Variants in EFCAB5 observed in about 807,000 individuals in gnomAD.
The protein encoded by EFCAB5 is EF-hand calcium binding domain 5.
In EFCAB5, 131 loss-of-function variants were observed where a neutral mutation model predicts 167.9. That is an observed-to-expected ratio of 0.78 (90% CI 0.68 to 0.90). EFCAB5 has a LOEUF of 0.90. EFCAB5 is among the 40% of genes least tolerant of loss of function. EFCAB5 has a pLI of 0.00. For missense variants in EFCAB5, 1,663 were observed against 1,745.2 expected (o/e 0.95, Z 0.84); for synonymous variants, 574 against 602.8 (o/e 0.95, Z 0.70).
At chr17:30,022,854 C>T (rs1051651797) in intron 7 of EFCAB5, among the ~76,000 whole-genome samples, 1 of 151,980 alleles carries the variant, frequency 6.6e-6, no homozygotes, top group African/African-American at 2.4e-5. Context: ...TGCAATCAAA[C>T]TAGAACTCAG....
At chr17:29,957,273 A>G (rs1211177970) in intron 3 of EFCAB5, among the ~76,000 whole-genome samples, 1 of 151,966 alleles carries the variant, frequency 6.6e-6, no homozygotes, top group African/African-American at 2.4e-5. Context: ...CATATATTGA[A>G]CCATCTTTGC....
intron 14 of EFCAB5, among the ~76,000 whole-genome samples, chr17:30,076,660 C>T (rs1163482221): frequency 6.6e-6 from 1 of 152,168 alleles, no homozygotes; most frequent in Non-Finnish European, 1.5e-5. Flanking sequence ...GAACTTTGAA[C>T]TATACTTTAA....
At chr17:29,932,173 C>T (rs1383162876) in intron 1 of EFCAB5, among the ~76,000 whole-genome samples, 4 of 136,024 alleles carry the variant, frequency 2.9e-5, no homozygotes, top group Admixed American at 1.5e-4. Context: ...TTTTTTGAGA[C>T]GGAGTCTCCC....
At chr17:30,028,481 G>T (rs1490233064) in intron 7 of EFCAB5, among the ~76,000 whole-genome samples, 1 of 152,134 alleles carries the variant, frequency 6.6e-6, no homozygotes, top group Non-Finnish European at 1.5e-5. Flanking sequence ...CGAGGTTGAG[G>T]CAAGTATGTT....
At chr17:29,981,499 T>C (rs2068174437) in intron 4 of EFCAB5, among the ~76,000 whole-genome samples, 1 of 152,228 alleles carries the variant, frequency 6.6e-6, no homozygotes, top group Non-Finnish European at 1.5e-5. Flanking sequence ...TGTGCTCTCA[T>C]AGCATCCTGT....
chr17:30,074,271 A>C (rs2070823117), intron 14 of EFCAB5: 1 of 152,126 alleles, frequency 6.6e-6, no homozygotes, highest in African/African-American at 2.4e-5. Flanking sequence ...TAGCTGGGAG[A>C]CTACAGGTGC....
intron 15 of EFCAB5, among the ~76,000 whole-genome samples, chr17:30,079,644 CA>C (rs1177266972): frequency 3.3e-5 from 5 of 151,960 alleles, no homozygotes; most frequent in Non-Finnish European, 7.4e-5. Flanking sequence ...CATTTTTTTT[CA>C]CTTTCACATC....
intron 3 of EFCAB5, among the ~76,000 whole-genome samples, chr17:29,960,117 C>A (rs372058001): frequency 6.6e-6 from 1 of 152,124 alleles, no homozygotes; most frequent in African/African-American, 2.4e-5. Flanking sequence ...GGCAACACTG[C>A]GTGACAATGC....
In EFCAB5 at chr17:30,030,950, C is replaced by A. The variant is rs60940591; in HGVS notation, c.1045-3280C>A. On this transcript the variant is annotated intron_variant, in intron 7 of 22. Coordinates refer to ENST00000394835, the MANE Select transcript of EFCAB5 (RefSeq NM_198529.4). ...ATTGATTCAATAGCATTCCCACAGC[C>A]AGAAAGCTCATATGGCTTTGAAGTC... is the stretch of plus-strand genomic sequence containing the variant. Among the ~76,000 whole-genome samples the A allele has an allele frequency of 6.4e-3, 976 of 152,250 alleles. 8 individuals are homozygous for A. The highest frequency in any genetic ancestry group is 0.022 in the African/African-American group (934 of 41,538).
chr17:30,069,231 A>G (rs2070662491), intron 14 of EFCAB5: 2 of 1,545,298 alleles, frequency 1.3e-6, no homozygotes, highest in Non-Finnish European at 1.8e-6. Flanking sequence ...GCCACTGAAG[A>G]ACATCCAGAA....
chr17:29,973,558 C>A (rs1416329289), intron 4 of EFCAB5, among the ~76,000 whole-genome samples: 1 of 147,224 alleles, frequency 6.8e-6, no homozygotes, highest in African/African-American at 2.5e-5. Flanking sequence ...TGGCTCACTG[C>A]AACCTCTGCC....
intron 14 of EFCAB5, chr17:30,073,203 G>T (rs558303082): frequency 2.9e-6 from 2 of 688,538 alleles, no homozygotes; most frequent in Admixed American, 2.1e-5. Context: ...CTACAGGTGT[G>T]CATCATCAGG....
In EFCAB5 at chr17:30,053,296, TGGGGAGAC is replaced by T; in HGVS notation, c.1343_1350del (p.Trp448TyrfsTer3). The T allele has an allele frequency of 6.2e-7, 1 of 1,612,490 alleles. No individual in the cohort carries two copies. The highest frequency in any genetic ancestry group is 1.7e-5 in the Admixed American group (1 of 59,834). ...TGAAGAGATAAACTTGACTGAGTTG[TGGGGAGAC>T]ATGGATAATCAGAAACACATTTATG... On this transcript the variant is annotated frameshift_variant, in exon 10 of 23. Transcript: ENST00000394835. LOFTEE classifies it high-confidence loss of function.
rs1567749698 is a variant in EFCAB5 at position 30,059,557 on chromosome 17, G to A, written c.2593G>A (p.Ala865Thr). 3 of 1,603,852 alleles carry A rather than the reference G, an allele frequency of 1.9e-6. No individual in the cohort carries two copies. The highest frequency in any genetic ancestry group is 1.7e-6 in the Non-Finnish European group (2 of 1,174,886). ...GTTTGTATCCTAGTTTAGCCAAAAT[G>A]CTTTCCAAGTCCGACAGAGGCTTCT... ...MNALEQFSQN[A>T]FQVRQRLLLE... The change falls in exon 14 of 23, where the codon GCT (alanine) becomes ACT (threonine). Residue 865 changes from alanine to threonine, a missense_variant. Transcript: ENST00000394835.
intron 3 of EFCAB5, among the ~76,000 whole-genome samples, chr17:29,950,187 A>G (rs2067479938): frequency 6.6e-6 from 1 of 152,186 alleles, no homozygotes; most frequent in South Asian, 2.1e-4. Context: ...CATGAGGACA[A>G]TGAGAATGAA....
chr17:30,041,155 A>G (rs1433403499), intron 8 of EFCAB5, among the ~76,000 whole-genome samples: 1 of 152,130 alleles, frequency 6.6e-6, no homozygotes, highest in Non-Finnish European at 1.5e-5. Context: ...TGCAGAAAGT[A>G]AAGATTGCCT....
At chr17:29,953,091 G>T (rs1358525089) in intron 3 of EFCAB5, among the ~76,000 whole-genome samples, 1 of 152,132 alleles carries the variant, frequency 6.6e-6, no homozygotes, top group African/African-American at 2.4e-5. Context: ...AAGAAAGGAA[G>T]TCAAACTATC....
chr17:30,014,394 G>T (rs1308160425), intron 7 of EFCAB5, among the ~76,000 whole-genome samples: 2 of 152,160 alleles, frequency 1.3e-5, no homozygotes, highest in Non-Finnish European at 2.9e-5. Flanking sequence ...AATATTGACA[G>T]TGGGGTGTTA....
At chr17:30,007,452 A>C (rs1473922507) in intron 7 of EFCAB5, among the ~76,000 whole-genome samples, 1 of 152,232 alleles carries the variant, frequency 6.6e-6, no homozygotes, top group Non-Finnish European at 1.5e-5. Context: ...AAACTGCCCA[A>C]GTAACATCAC....
Sources: allele counts gnomAD v4.1 joint callset (sites outside exome capture counted in the v4.1 genomes callset), GRCh38; gene constraint gnomAD v4.1.1; transcripts MANE v1.5; gene names NCBI Gene and HGNC (gene_info 2026-07-23, HGNC 2026-07-21).